HPF1: variants seen among roughly 807,000 people sequenced by gnomAD.
HPF1 encodes UPF0609 protein C4orf27.
Under a neutral mutation model 38.8 loss-of-function variants are expected in HPF1, and 35 were observed. The observed-to-expected ratio is 0.90, with a 90% CI of 0.69 to 1.19. The LOEUF (loss-of-function observed/expected upper bound fraction) is 1.19. HPF1 is among the 50% of genes most tolerant of loss of function. HPF1 has a pLI of 0.00. For missense variants in HPF1, 367 were observed against 405.8 expected, an observed-to-expected ratio of 0.90 and a Z score of 0.82; for synonymous variants, 115 against 139.2, an observed-to-expected ratio of 0.83 and a Z score of 1.22.
chr4:169,736,433 C>G (rs1733896232), intron 6 of HPF1, among the ~76,000 whole-genome samples: 1 of 151,700 alleles, frequency 6.6e-6, no homozygotes, highest in Admixed American at 6.6e-5. Context: ...CTGTGAGGCA[C>G]TCAGTGGCCA....
chr4:169,737,954 A>G (rs987769434), intron 5 of HPF1, among the ~76,000 whole-genome samples: 8 of 146,098 alleles, frequency 5.5e-5, no homozygotes, highest in South Asian at 2.1e-4. Context: ...TAATCACAGA[A>G]CAGTGAAATA....
At chr4:169,729,968 T>C (rs1733808658) in intron 7 of HPF1, among the ~76,000 whole-genome samples, 1 of 152,128 alleles carries the variant, frequency 6.6e-6, no homozygotes, top group South Asian at 2.1e-4. Flanking sequence ...TTCCCTTAGG[T>C]TTTATCAACT....
rs1734151470 is a variant in HPF1, at chr4:169,753,960, G to A, written c.49-125C>T. On this transcript the variant is annotated intron_variant, in intron 1 of 7. Coordinates refer to ENST00000393381, the MANE Select transcript of HPF1 (RefSeq NM_017867.3). ...GTGTTTTCCTTAAAACTCTCTAAATGGTCTTTGAGTAAAATCTGGGAATTC... is the reference window on the plus strand; with the variant it reads ...GTGTTTTCCTTAAAACTCTCTAAATAGTCTTTGAGTAAAATCTGGGAATTC... 10 of 709,446 alleles carry A rather than the reference G, an allele frequency of 1.4e-5. No individual in the cohort carries two copies. The East Asian group carries it at 2.4e-4, about 17-fold the overall frequency. The allele number at this position is 709,446 out of a possible 1,614,324, so 43.9% of individuals were successfully genotyped here. A position where few individuals can be genotyped will look rare whatever the true frequency, so the allele number is the denominator to read the frequency against.
chr4:169,732,351 G>A (rs572418874), intron 6 of HPF1, among the ~76,000 whole-genome samples: 1 of 152,280 alleles, frequency 6.6e-6, no homozygotes, highest in Admixed American at 6.5e-5. Flanking sequence ...ATGTTGGCCA[G>A]GATGGTCTTG....
intron 4 of HPF1, among the ~76,000 whole-genome samples, chr4:169,747,281 A>T (rs1734061671): frequency 6.6e-6 from 1 of 152,010 alleles, no homozygotes; most frequent in African/African-American, 2.4e-5. Flanking sequence ...AGTTTAAAAG[A>T]AGTTATAAAT....
At position 169,750,657 on chromosome 4, in the gene HPF1, T is replaced by C; in HGVS notation, c.277A>G (p.Thr93Ala). 6 of 1,613,960 alleles carry C rather than the reference T, an allele frequency of 3.7e-6. No individual in the cohort carries two copies. Among genetic ancestry groups the C allele is most frequent in the Non-Finnish European group, 5.1e-6 (6 of 1,179,916 alleles). ...TTCAGGCCTGTTGATTTTTTCTTCGTTTTATGTTTTCCAGCAAGGATATCA... is the reference window on the plus strand; with the variant it reads ...TTCAGGCCTGTTGATTTTTTCTTCGCTTTATGTTTTCCAGCAAGGATATCA... Reference protein sequence around the residue: ...PYDILAGKHKTKKKSTGLNFN... With the variant: ...PYDILAGKHKAKKKSTGLNFN... The change falls in exon 3 of 8, where the codon ACG (threonine) becomes GCG (alanine). Residue 93 changes from threonine to alanine, a missense_variant. Transcript: ENST00000393381.
chr4:169,739,215 TATAAAA>T (rs1316196004), intron 5 of HPF1, among the ~76,000 whole-genome samples: 7 of 152,274 alleles, frequency 4.6e-5, no homozygotes, highest in African/African-American at 9.6e-5. Context: ...GAGTTGACTA[TATAAAA>T]ATAAAAAGTC....
chr4:169,748,936 A>ATT, intron 3 of HPF1, 94 bp from the exon 4 acceptor site: 1 of 605,448 alleles, frequency 1.7e-6, no homozygotes, highest in Non-Finnish European at 2.9e-6. Context: ...ATTTACACCT[A>ATT]TTTTTTTTCC....
chr4:169,732,156 T>TTTC (rs1733838611), intron 6 of HPF1: 1 of 291,160 alleles, frequency 3.4e-6, no homozygotes, highest in Non-Finnish European at 6.4e-6. Context: ...TTTTTTTTTT[T>TTTC]TTTTAGACGG....
intron 4 of HPF1, among the ~76,000 whole-genome samples, chr4:169,747,189 C>G (rs1445621032): frequency 1.3e-5 from 2 of 149,356 alleles, no homozygotes; most frequent in African/African-American, 4.9e-5. Context: ...CATGCTAGTG[C>G]AAGAGACAGA....
chr4:169,749,767 AGAGAT>A (rs1205878882), intron 3 of HPF1, among the ~76,000 whole-genome samples: 1 of 151,372 alleles, frequency 6.6e-6, no homozygotes, highest in East Asian at 1.9e-4. Flanking sequence ...GTAAAACATT[AGAGAT>A]GAAAGGATCC....
chr4:169,750,887 G>T lies in HPF1; in HGVS notation c.209-162C>A, dbSNP rs552778979. Among the ~76,000 whole-genome samples, 3 of 152,288 alleles carry T rather than the reference G, an allele frequency of 2.0e-5. No individual in the cohort carries two copies. In the East Asian group the frequency reaches 5.8e-4, roughly 29 times the overall value. ...TCAGTTATAAACATTCAATGGAAAAGAAGTCAGAGTAACAGGAAAAGTGGT... is the reference window on the plus strand; with the variant it reads ...TCAGTTATAAACATTCAATGGAAAATAAGTCAGAGTAACAGGAAAAGTGGT... On this transcript the variant is annotated intron_variant, in intron 2 of 7. Coordinates refer to ENST00000393381, the MANE Select transcript of HPF1 (RefSeq NM_017867.3).
chr4:169,738,580 A>C (rs1325413511), intron 5 of HPF1, among the ~76,000 whole-genome samples: 2 of 152,080 alleles, frequency 1.3e-5, no homozygotes, highest in Admixed American at 6.5e-5. Flanking sequence ...TTTTCTCTCT[A>C]ATCTCCCTAT....
At chr4:169,744,819 C>CTTTTTTTT (rs796856450) in intron 4 of HPF1, among the ~76,000 whole-genome samples, 1 of 144,276 alleles carries the variant, frequency 6.9e-6, no homozygotes, top group Non-Finnish European at 1.5e-5. Flanking sequence ...ATGAGTCACT[C>CTTTTTTTT]TTTTTTTTTT....
intron 4 of HPF1, among the ~76,000 whole-genome samples, chr4:169,742,911 G>A (rs1200719667): frequency 1.3e-5 from 2 of 151,790 alleles, no homozygotes; most frequent in African/African-American, 4.8e-5. Context: ...GACCAACCTG[G>A]CCAACATAGT....
chr4:169,757,884 G>T lies in HPF1; in HGVS notation c.-7C>A. The T allele has an allele frequency of 1.3e-6, 2 of 1,553,974 alleles. No homozygotes were observed. Reference sequence around the variant, plus strand: ...TCCCGCCACCGCCGACCATTCTGCAGCTGCAGCGCCAGCAGAATTCCCCGA... The same window carrying T: ...TCCCGCCACCGCCGACCATTCTGCATCTGCAGCGCCAGCAGAATTCCCCGA... On this transcript the variant is annotated 5_prime_UTR_variant, in exon 1 of 8. It adds an upstream start codon to the 5' untranslated region. Transcript: ENST00000393381.
rs1363295762 is a variant in HPF1 at position 169,735,874 on chromosome 4, G to C, written c.736+1786C>G. ...CCTGTCTAAGAGAAATACAGTGTGGGTTACATTTTTTCCAGTATCCACATG... is the reference window on the plus strand; with the variant it reads ...CCTGTCTAAGAGAAATACAGTGTGGCTTACATTTTTTCCAGTATCCACATG... On this transcript the variant is annotated intron_variant, in intron 6 of 7. Coordinates refer to ENST00000393381, the MANE Select transcript of HPF1 (RefSeq NM_017867.3). 3.4e-5 allele frequency among the ~76,000 whole-genome samples: 5 copies of C among 148,758 alleles called. No homozygotes were observed. The South Asian group carries it at 1.1e-3, about 32-fold the overall frequency.
At chr4:169,747,387 C>T (rs998584925) in intron 4 of HPF1, among the ~76,000 whole-genome samples, 14 of 151,920 alleles carry the variant, frequency 9.2e-5, no homozygotes, top group Non-Finnish European at 2.1e-4. Flanking sequence ...TGTAGATACA[C>T]CAGTATGTAC....
At chr4:169,750,859 A>T (rs1734109638) in intron 2 of HPF1, 134 bp from the exon 3 acceptor site, 2 of 597,350 alleles carry the variant, frequency 3.3e-6, no homozygotes, top group East Asian at 5.8e-5. Flanking sequence ...ATGTGTGAAG[A>T]TGTCAGTTAT....
Sources: allele counts gnomAD v4.1 joint callset (sites outside exome capture counted in the v4.1 genomes callset), GRCh38; gene constraint gnomAD v4.1.1; transcripts MANE v1.5; gene names NCBI Gene and HGNC (gene_info 2026-07-23, HGNC 2026-07-21).